Variants in MYO5C observed in about 807,000 individuals in gnomAD.
MYO5C encodes myosin VC.
In MYO5C, 194 loss-of-function variants were observed where a neutral mutation model predicts 235.7. The observed-to-expected ratio is 0.82, with a 90% CI of 0.73 to 0.93. The LOEUF is 0.93. MYO5C is among the 40% of genes least tolerant of loss of function. The pLI is 0.00. For missense variants in MYO5C, 2,038 were observed against 2,127.2 expected (o/e 0.96, Z 0.82); for synonymous variants, 707 against 754.8 (o/e 0.94, Z 1.04).
chr15:52,274,035 A>G (rs906249567), intron 5 of MYO5C, among the ~76,000 whole-genome samples: 1 of 151,896 alleles, frequency 6.6e-6, no homozygotes, highest in Non-Finnish European at 1.5e-5. Flanking sequence ...TCTGTTCTTC[A>G]ATTTCATCTC....
chr15:52,217,324 C>T lies in MYO5C; in HGVS notation c.3954+1195G>A, dbSNP rs141458451. 1.6e-3 allele frequency among the ~76,000 whole-genome samples: 251 copies of T among 152,326 alleles called. 2 individuals carry two copies. Among genetic ancestry groups the T allele is most frequent in the African/African-American group, 5.7e-3 (236 of 41,568 alleles). ...CACTTGGAGGAGCTCCAGAAGAGGGCGCCAGGACCGAGCTGTGCTCCAGGG... is the reference window on the plus strand; with the variant it reads ...CACTTGGAGGAGCTCCAGAAGAGGGTGCCAGGACCGAGCTGTGCTCCAGGG... On this transcript the variant is annotated intron_variant, in intron 32 of 40. Transcript: ENST00000261839.
intron 8 of MYO5C, among the ~76,000 whole-genome samples, chr15:52,266,282 A>G (rs910831867): frequency 1.3e-5 from 2 of 152,210 alleles, no homozygotes; most frequent in African/African-American, 4.8e-5. Flanking sequence ...TCACTGGTCA[A>G]GTTCCTAGAG....
intron 10 of MYO5C, 112 bp from the exon 11 acceptor site, chr15:52,256,832 G>T: frequency 1.3e-6 from 1 of 745,576 alleles, no homozygotes; most frequent in Non-Finnish European, 2.3e-6. Flanking sequence ...TCTTCTACAA[G>T]TTTTAAATAC....
intron 1 of MYO5C, among the ~76,000 whole-genome samples, chr15:52,288,311 A>C (rs930545864): frequency 6.6e-6 from 1 of 152,194 alleles, no homozygotes; most frequent in Non-Finnish European, 1.5e-5. Flanking sequence ...GCAACCATCT[A>C]CTTGAGAGTC....
intron 5 of MYO5C, among the ~76,000 whole-genome samples, chr15:52,273,314 C>A (rs1364783543): frequency 2.0e-5 from 3 of 152,168 alleles, no homozygotes; most frequent in African/African-American, 7.2e-5. Context: ...CTTAGCGAGA[C>A]CCTGTCTCAA....
intron 28 of MYO5C, 26 bp downstream of exon 28, chr15:52,224,871 TAAAG>T (rs761213155): frequency 2.6e-5 from 41 of 1,577,138 alleles, no homozygotes; most frequent in Admixed American, 9.0e-5. Context: ...CTCTGAAAAA[TAAAG>T]AAGATCCCTG....
intron 32 of MYO5C, among the ~76,000 whole-genome samples, chr15:52,215,657 T>C (rs1306522881): frequency 6.6e-6 from 1 of 152,214 alleles, no homozygotes; most frequent in South Asian, 2.1e-4. Flanking sequence ...TCTTATAATA[T>C]ATCTAATAAA....
Position 52,208,624 on chromosome 15 carries a change from T to TCAAA in MYO5C, c.4312_4315dup (p.Glu1439ValfsTer2), listed in dbSNP as rs2035376148. 1 of 1,614,160 alleles carries TCAAA rather than the reference T, an allele frequency of 6.2e-7. No homozygotes were observed. Among genetic ancestry groups the TCAAA allele is most frequent in the Non-Finnish European group, 8.5e-7 (1 of 1,179,974 alleles). The stretch of plus-strand genomic sequence containing the variant: ...GTTGGAAAGCCAAAAGGACAGCATT[T>TCAAA]CAAAGTCTTCTAAATGTTCCTTAGG... On this transcript the variant is annotated stop_gained and frameshift_variant, in exon 36 of 41. Coordinates refer to ENST00000261839, the MANE Select transcript of MYO5C (RefSeq NM_018728.4). LOFTEE classifies it high-confidence loss of function.
At chr15:52,270,903 TA>T (rs1461218687) in intron 7 of MYO5C, among the ~76,000 whole-genome samples, 1 of 152,128 alleles carries the variant, frequency 6.6e-6, no homozygotes, top group Non-Finnish European at 1.5e-5. Flanking sequence ...TACTAGAAGT[TA>T]TCTCCAACAA....
At chr15:52,216,917 T>G (rs2035568112) in intron 32 of MYO5C, among the ~76,000 whole-genome samples, 1 of 152,164 alleles carries the variant, frequency 6.6e-6, no homozygotes, top group South Asian at 2.1e-4. Flanking sequence ...AGTTACACTG[T>G]TCCAAACCAA....
At chr15:52,239,170 C>T (rs1010240832) in intron 21 of MYO5C, among the ~76,000 whole-genome samples, 1 of 152,094 alleles carries the variant, frequency 6.6e-6, no homozygotes, top group Non-Finnish European at 1.5e-5. Flanking sequence ...ACGCTGGTCT[C>T]GAAGTCCCAA....
At position 52,275,880 on chromosome 15, in the gene MYO5C, A is replaced by G. The variant is rs541187266; in HGVS notation, c.450-162T>C. 2.6e-5 allele frequency among the ~76,000 whole-genome samples: 4 copies of G among 152,058 alleles called. No individual in the cohort carries two copies. In the East Asian group the frequency reaches 7.7e-4, roughly 29 times the overall value. The stretch of plus-strand genomic sequence containing the variant: ...CCTTCTAGATTTTTTTTTCTATGTG[A>G]TCGTGCAGAACACACAATTTTAAAA... On this transcript the variant is annotated intron_variant, in intron 4 of 40. Transcript: ENST00000261839.
chr15:52,211,121 T>C (rs1024725123), intron 35 of MYO5C, among the ~76,000 whole-genome samples: 3 of 152,104 alleles, frequency 2.0e-5, no homozygotes, highest in African/African-American at 7.2e-5. Flanking sequence ...GGAACCTGGG[T>C]CCCTTCATGA....
intron 36 of MYO5C, 92 bp from the exon 37 acceptor site, chr15:52,206,058 A>C: frequency 1.3e-6 from 1 of 793,366 alleles, no homozygotes; most frequent in South Asian, 2.7e-5. Context: ...CTTAAAACTT[A>C]ATGTCTGATT....
At chr15:52,227,871 C>T (rs1408892949) in intron 25 of MYO5C, among the ~76,000 whole-genome samples, 2 of 152,218 alleles carry the variant, frequency 1.3e-5, no homozygotes, top group Non-Finnish European at 2.9e-5. Context: ...ATGACAATTA[C>T]AGAGACTATT....
intron 10 of MYO5C, among the ~76,000 whole-genome samples, chr15:52,258,839 T>A (rs960034551): frequency 4.6e-5 from 7 of 152,184 alleles, no homozygotes; most frequent in Admixed American, 2.6e-4. Context: ...TGTCTCAGGT[T>A]TTTCCACATA....
chr15:52,248,624 C>A, intron 14 of MYO5C, 76 bp downstream of exon 14: 1 of 1,018,510 alleles, frequency 9.8e-7, no homozygotes. Flanking sequence ...TCTCTCTCTC[C>A]TTACTCTTTC....
At chr15:52,222,986 C>T (rs1220620071) in intron 29 of MYO5C, among the ~76,000 whole-genome samples, 1 of 151,948 alleles carries the variant, frequency 6.6e-6, no homozygotes, top group Non-Finnish European at 1.5e-5. Context: ...CCTGTCTCTA[C>T]TAAAAATGCA....
intron 1 of MYO5C, among the ~76,000 whole-genome samples, chr15:52,289,289 C>CT (rs1220306874): frequency 3.3e-5 from 5 of 152,106 alleles, no homozygotes. Flanking sequence ...CTGCAACTGC[C>CT]TGGCACCTGT....
Sources: gnomAD v4.1 joint callset for allele counts (sites outside exome capture counted in the v4.1 genomes callset) on GRCh38, gnomAD v4.1.1 for gene constraint, MANE v1.5 for transcripts, NCBI Gene and HGNC (gene_info 2026-07-23, HGNC 2026-07-21) for gene names.